The following ZNF107 variants were observed in gnomAD, a reference collection of about 807,000 sequenced individuals.
The protein encoded by ZNF107 is C2H2 type zinc-finger protein.
A neutral mutation model predicts 12.3 loss-of-function variants in ZNF107; 19 were observed. The ratio of observed to expected loss-of-function variants is 1.55; its 90% CI spans 1.08 to 2.27. The LOEUF is 2.27. Ranked by LOEUF, ZNF107 falls within the 30% of genes most tolerant of loss-of-function variation. The pLI is 0.00. For synonymous variants in ZNF107, 317 were observed against 330.5 expected (o/e 0.96, Z 0.44); for missense variants, 958 against 979.9 (o/e 0.98, Z 0.30).
chr7:64,671,535 G>C (rs78142846), intron 1 of ZNF107, among the ~76,000 whole-genome samples: 1 of 152,054 alleles, frequency 6.6e-6, no homozygotes, highest in African/African-American at 2.4e-5. Context: ...CTGCATGGAC[G>C]CAAATAAATC....
rs1790801765 is a variant in ZNF107, at chr7:64,709,111, T to C, written c.*455T>C. On this transcript the variant is annotated 3_prime_UTR_variant, in exon 4 of 4. Transcript: ENST00000620827. ...TACCTTACTATACAGAAATTCATAC[T>C]GGAGAGAAAGCCTACAATTGTGAAG... 2.3e-5 allele frequency: 11 copies of C among 468,254 alleles called. No individual in the cohort carries two copies. Among genetic ancestry groups the C allele is most frequent in the South Asian group, 1.5e-4 (9 of 60,968 alleles). 29.0% of individuals were successfully genotyped at this position (468,254 alleles called of 1,614,324 possible).
chr7:64,709,776 G>C lies in ZNF107; in HGVS notation c.*1120G>C, dbSNP rs1337877611. ...ATTAGAGAGTTAGTACGTAATAAAA[G>C]CATTATAAATGCAATTTTTGTCAAG... On this transcript the variant is annotated 3_prime_UTR_variant, in exon 4 of 4. Coordinates refer to ENST00000620827, the MANE Select transcript of ZNF107 (RefSeq NM_001282359.2). 3 of 449,776 alleles carry C rather than the reference G, an allele frequency of 6.7e-6. No homozygotes were observed. Among genetic ancestry groups the C allele is most frequent in the East Asian group, 1.4e-4 (2 of 14,256 alleles). The allele number at this position is 449,776 out of a possible 1,614,324, so 27.9% of individuals were successfully genotyped here.
At chr7:64,698,203 G>A (rs2128965438) in intron 3 of ZNF107, among the ~76,000 whole-genome samples, 1 of 152,090 alleles carries the variant, frequency 6.6e-6, no homozygotes, top group Non-Finnish European at 1.5e-5. Context: ...TCTAATTTGT[G>A]TATCTTTTTT....
intron 1 of ZNF107, among the ~76,000 whole-genome samples, chr7:64,675,064 T>G (rs1789369919): frequency 6.6e-6 from 1 of 152,192 alleles, no homozygotes; most frequent in Non-Finnish European, 1.5e-5. Context: ...ACCTGAAGTT[T>G]TCTTTTTTTG....
chr7:64,696,815 A>AT (rs1172952179), intron 3 of ZNF107, among the ~76,000 whole-genome samples: 14 of 151,876 alleles, frequency 9.2e-5, no homozygotes, highest in East Asian at 1.9e-4. Context: ...TTATTTATTT[A>AT]TTTATTTTTT....
At chr7:64,671,798 T>C (rs1457355988) in intron 1 of ZNF107, among the ~76,000 whole-genome samples, 1 of 149,264 alleles carries the variant, frequency 6.7e-6, no homozygotes, top group African/African-American at 2.5e-5. Flanking sequence ...TTTTTTTTTT[T>C]TGAGGCAGAG....
rs2128968905 is a variant in ZNF107 at position 64,707,277 on chromosome 7, G to A, written c.1180G>A (p.Glu394Lys). ...LTAHKKILMEEKPYKCEECGK... is the reference protein window; with the variant it reads ...LTAHKKILMEKKPYKCEECGK... Reference sequence around the variant, plus strand: ...TGCACATAAGAAAATTCTAATGGAAGAGAAACCCTACAAATGTGAAGAATG... The same window carrying A: ...TGCACATAAGAAAATTCTAATGGAAAAGAAACCCTACAAATGTGAAGAATG... The change falls in exon 4 of 4, where the codon GAG becomes AAG. Residue 394 changes from glutamate to lysine, a missense_variant. Coordinates refer to ENST00000620827, the MANE Select transcript of ZNF107 (RefSeq NM_001282359.2). 2 of 1,613,214 alleles carry A rather than the reference G, an allele frequency of 1.2e-6. No homozygotes were observed. The highest frequency in any genetic ancestry group is 4.5e-5 in the East Asian group (2 of 44,818).
chr7:64,670,369 G>A (rs2128955583), intron 1 of ZNF107, among the ~76,000 whole-genome samples: 1 of 152,142 alleles, frequency 6.6e-6, no homozygotes, highest in South Asian at 2.1e-4. Context: ...TACTAGATTA[G>A]AACACTTTTA....
At chr7:64,679,080 G>T in intron 1 of ZNF107, 5 of 237,652 alleles carry the variant, frequency 2.1e-5, no homozygotes, top group Non-Finnish European at 2.7e-5. Flanking sequence ...CTGGATTGAA[G>T]AGACGACCCA....
At chr7:64,680,241 C>T (rs1266406454) in intron 1 of ZNF107, among the ~76,000 whole-genome samples, 3 of 152,152 alleles carry the variant, frequency 2.0e-5, no homozygotes, top group Admixed American at 2.0e-4. Flanking sequence ...TCTGACCTGT[C>T]TCAGGTCAGC....
intron 1 of ZNF107, among the ~76,000 whole-genome samples, chr7:64,676,917 C>T (rs1470804593): frequency 1.3e-5 from 2 of 151,938 alleles, no homozygotes; most frequent in Non-Finnish European, 1.5e-5. Context: ...TTGTCTGTGT[C>T]ATCTTATGTT....
chr7:64,705,121 C>CT (rs1390812760), intron 3 of ZNF107, among the ~76,000 whole-genome samples: 1 of 152,196 alleles, frequency 6.6e-6, no homozygotes, highest in Admixed American at 6.5e-5. Context: ...GACGTATTCA[C>CT]TGGCTATCTT....
chr7:64,710,619 AATT>A lies in ZNF107; in HGVS notation c.*1966_*1968del, dbSNP rs1160161727. The A allele has an allele frequency of 2.0e-5, 3 of 148,264 alleles. No individual in the cohort carries two copies. Among genetic ancestry groups the A allele is most frequent in the Middle Eastern group, 7.1e-3 (2 of 280 alleles). 9.2% of individuals were successfully genotyped at this position (148,264 alleles called of 1,614,324 possible). ...TTTTGTAGATGTATAATTACATTCA[AATT>A]ATATTTTTTCTTGAAAAATTAGTTT... On this transcript the variant is annotated 3_prime_UTR_variant, in exon 4 of 4. Coordinates refer to ENST00000620827, the MANE Select transcript of ZNF107 (RefSeq NM_001282359.2).
At position 64,706,421 on chromosome 7, in the gene ZNF107, T is replaced by C. The variant is rs1192614365; in HGVS notation, c.324T>C (p.Tyr108=). 3 of 1,613,420 alleles carry C rather than the reference T, an allele frequency of 1.9e-6. No individual in the cohort carries two copies. The Admixed American group carries it at 5.0e-5, about 27-fold the overall frequency. The part of the protein sequence containing the change: ...VTLRRYGKCE[Y]ENLQLRKGCK... ...TGAGAAGATACGGAAAATGTGAATA[T>C]GAGAATTTACAGTTAAGAAAAGGCT... The change falls in exon 4 of 4, where the codon TAT becomes TAC. Residue 108 remains tyrosine, a synonymous_variant. Transcript: ENST00000620827.
Position 64,691,346 on chromosome 7 carries a change from A to G in ZNF107, c.102A>G (p.Leu34=). ...AQRDLYRNVL[L]ENYRNLVFLG... Reference sequence around the variant, plus strand: ...GGGATTTATATAGGAATGTGTTGTTAGAGAACTACAGAAACCTGGTCTTTT... The same window carrying G: ...GGGATTTATATAGGAATGTGTTGTTGGAGAACTACAGAAACCTGGTCTTTT... Residue 34 remains leucine (L), a synonymous_variant, in exon 2 of 4, where the codon TTA becomes TTG. Coordinates refer to ENST00000620827, the MANE Select transcript of ZNF107 (RefSeq NM_001282359.2). The G allele has an allele frequency of 6.6e-7, 1 of 1,517,382 alleles. No homozygotes were observed. The highest frequency in any genetic ancestry group is 1.3e-5 in the South Asian group (1 of 77,776). 94.0% of individuals were successfully genotyped at this position (1,517,382 alleles called of 1,614,324 possible). A position where few individuals can be genotyped will look rare whatever the true frequency, so the allele number is the denominator to read the frequency against.
At chr7:64,669,619 C>A (rs1789145633) in intron 1 of ZNF107, among the ~76,000 whole-genome samples, 1 of 151,816 alleles carries the variant, frequency 6.6e-6, no homozygotes. Flanking sequence ...CATGGTGAAG[C>A]CCCGTCTCTA....
chr7:64,671,118 C>T (rs763366685), intron 1 of ZNF107, among the ~76,000 whole-genome samples: 13 of 152,098 alleles, frequency 8.5e-5, no homozygotes, highest in Non-Finnish European at 1.6e-4. Flanking sequence ...GAGTGGAACT[C>T]TGGGTGTCTG....
chr7:64,696,822 T>A (rs114152572), intron 3 of ZNF107, among the ~76,000 whole-genome samples: 2,902 of 152,248 alleles, frequency 0.019, 82 homozygotes, highest in African/African-American at 0.064. Flanking sequence ...TTTATTTATT[T>A]TTTATTTTTT....
chr7:64,699,802 C>CTAA (rs1790408448), intron 3 of ZNF107, among the ~76,000 whole-genome samples: 1 of 152,134 alleles, frequency 6.6e-6, no homozygotes. Flanking sequence ...GGCGTGGTGG[C>CTAA]TCACGCCTGT....
Sources: gnomAD v4.1 joint callset for allele counts (sites outside exome capture counted in the v4.1 genomes callset) on GRCh38, gnomAD v4.1.1 for gene constraint, MANE v1.5 for transcripts, NCBI Gene and HGNC (gene_info 2026-07-23, HGNC 2026-07-21) for gene names.